COL4A6: variants seen among roughly 807,000 people sequenced by gnomAD.
The protein encoded by COL4A6 is collagen type IV alpha 6 chain.
Under a neutral mutation model 126.7 loss-of-function variants are expected in COL4A6, and 59 were observed. That is an observed-to-expected ratio of 0.47 (90% CI 0.38 to 0.58). The LOEUF (loss-of-function observed/expected upper bound fraction) is 0.58. Among genes scored for constraint, COL4A6 ranks in the 20% least tolerant of loss-of-function variants. The pLI is 0.00. For synonymous variants in COL4A6, 547 were observed against 496.6 expected (o/e 1.10, Z -1.35); for missense variants, 1,285 against 1,337.3 (o/e 0.96, Z 0.61).
Position 108,170,813 on chromosome X carries a change from G to A in COL4A6, c.3382C>T (p.Pro1128Ser), listed in dbSNP as rs768667670. The A allele has an allele frequency of 8.3e-7, 1 of 1,211,334 alleles. No individual in the cohort carries two copies. The change falls in exon 34 of 45, where the codon CCA becomes TCA. Residue 1128 changes from proline (P) to serine (S), a missense_variant. Physicochemically the swap from Pro to Ser is moderately conservative, Grantham distance 74. Coordinates refer to ENST00000334504, the MANE Select transcript of COL4A6 (RefSeq NM_033641.4). ...VSGDVGLPGA[P>S]GFPGVAGMRG... ...AGGTTATCATGTGGCATGGTACCTGGAGCTCCAGGAAGGCCAACATCTCCA... is the reference window on the plus strand; with the variant it reads ...AGGTTATCATGTGGCATGGTACCTGAAGCTCCAGGAAGGCCAACATCTCCA...
intron 3 of COL4A6, among the ~76,000 whole-genome samples, chrX:108,307,222 T>C (rs1304678158): frequency 1.8e-5 from 2 of 112,099 alleles, no homozygotes; most frequent in Middle Eastern, 4.6e-3. Context: ...AATCTGAACA[T>C]AGTGTTTATT....
At chrX:108,432,017 A>G (rs2064181008) in intron 2 of COL4A6, among the ~76,000 whole-genome samples, 1 of 112,407 alleles carries the variant, frequency 8.9e-6, no homozygotes, top group African/African-American at 3.2e-5. Context: ...TGAAAGATAA[A>G]ATTTCTCAAG....
chrX:108,297,626 A>G (rs1169662756), intron 3 of COL4A6, among the ~76,000 whole-genome samples: 1 of 110,926 alleles, frequency 9.0e-6, no homozygotes, highest in African/African-American at 3.3e-5. Context: ...AGGGCTTAAA[A>G]GATTAGCTAT....
At chrX:108,205,755 ACGG>A in intron 9 of COL4A6, 60 bp from the exon 10 acceptor site, 1 of 1,021,674 alleles carries the variant, frequency 9.8e-7, no homozygotes, top group Non-Finnish European at 1.4e-6. Flanking sequence ...CAAAAAGAAC[ACGG>A]CATGTTGAGA....
At chrX:108,285,820 G>C (rs2037990310) in intron 3 of COL4A6, among the ~76,000 whole-genome samples, 1 of 112,001 alleles carries the variant, frequency 8.9e-6, no homozygotes, top group Non-Finnish European at 1.9e-5. Flanking sequence ...GGACCAATAA[G>C]TTGTAACAGC....
intron 2 of COL4A6, among the ~76,000 whole-genome samples, chrX:108,378,331 C>A (rs1442187385): frequency 1.8e-5 from 2 of 111,405 alleles, no homozygotes; most frequent in Non-Finnish European, 3.8e-5. Flanking sequence ...TATGTTAATA[C>A]GCACTGTGAA....
chrX:108,394,540 A>G (rs968580723), intron 2 of COL4A6, among the ~76,000 whole-genome samples: 1 of 112,076 alleles, frequency 8.9e-6, no homozygotes, highest in African/African-American at 3.2e-5. Flanking sequence ...TCACAAAAAA[A>G]GCTGGTGTGG....
At chrX:108,299,811 C>T (rs1158770487) in intron 3 of COL4A6, among the ~76,000 whole-genome samples, 1 of 111,973 alleles carries the variant, frequency 8.9e-6, no homozygotes, top group Non-Finnish European at 1.9e-5. Flanking sequence ...TAGGGCTTAG[C>T]TAAGTCCACC....
intron 39 of COL4A6, 47 bp from the exon 40 acceptor site, chrX:108,164,745 T>C: frequency 8.5e-7 from 1 of 1,182,757 alleles, no homozygotes. Context: ...ATGGTAGGGG[T>C]GGTAGGGGTG....
Position 108,179,321 on chromosome X carries a change from C to T in COL4A6, c.2249G>A (p.Gly750Asp), listed in dbSNP as rs762345299. ...ACCATTTTCAGCACCAAAGATGTCA[C>T]CAGTGGCTCCCTTGGAACCAGGTAA... ...PGLPGSKGAT[G>D]DIFGAENGAP... is the part of the protein sequence containing the mutation. The change falls in exon 26 of 45, where the codon GGT (glycine) becomes GAT (aspartate). Residue 750 changes from glycine (G) to aspartate (D), a missense_variant. Coordinates refer to ENST00000334504, the MANE Select transcript of COL4A6 (RefSeq NM_033641.4). The T allele has an allele frequency of 1.7e-6, 2 of 1,211,255 alleles. No homozygotes were observed.
At chrX:108,363,821 A>C (rs1298372726) in intron 2 of COL4A6, among the ~76,000 whole-genome samples, 2 of 111,592 alleles carry the variant, frequency 1.8e-5, no homozygotes, top group Non-Finnish European at 3.8e-5. Flanking sequence ...AAGTCTCTTA[A>C]TTAAGTTATG....
intron 2 of COL4A6, chrX:108,383,922 G>T: frequency 1.4e-6 from 1 of 702,749 alleles, no homozygotes; most frequent in South Asian, 3.0e-5. Context: ...ACAACCATGT[G>T]ATAAATCTAT....
At chrX:108,293,829 G>A (rs751387770) in intron 3 of COL4A6, among the ~76,000 whole-genome samples, 5 of 112,373 alleles carry the variant, frequency 4.4e-5, no homozygotes, top group African/African-American at 1.6e-4. Flanking sequence ...TATGTTTTTA[G>A]TTGATTAAAC....
intron 3 of COL4A6, among the ~76,000 whole-genome samples, chrX:108,229,891 A>G (rs747630292): frequency 2.7e-5 from 3 of 112,337 alleles, no homozygotes; most frequent in Non-Finnish European, 1.9e-5. Context: ...GACTAGGTTC[A>G]TGGCAGTGGA....
chrX:108,427,204 A>G (rs774147231), intron 2 of COL4A6, among the ~76,000 whole-genome samples: 48 of 111,709 alleles, frequency 4.3e-4, no homozygotes, highest in Admixed American at 3.8e-3. Context: ...TCTCTTTCCT[A>G]TCCTCCATCC....
At chrX:108,335,796 A>G (rs2039418609) in intron 2 of COL4A6, among the ~76,000 whole-genome samples, 1 of 111,103 alleles carries the variant, frequency 9.0e-6, no homozygotes, top group Non-Finnish European at 1.9e-5. Flanking sequence ...CTTGTCTGTG[A>G]TGCTGACTAT....
chrX:108,411,303 T>G (rs987895464), intron 2 of COL4A6, among the ~76,000 whole-genome samples: 3 of 111,967 alleles, frequency 2.7e-5, no homozygotes, highest in African/African-American at 9.7e-5. Flanking sequence ...AGATTGATGA[T>G]TATGATAGTA....
At chrX:108,165,527 GC>G (rs1461694647) in intron 37 of COL4A6, 41 bp from the exon 38 acceptor site, 3 of 946,538 alleles carry the variant, frequency 3.2e-6, no homozygotes, top group African/African-American at 4.0e-5. Flanking sequence ...GGCTCTGTGT[GC>G]CCAGAAGATG....
At chrX:108,379,669 C>A (rs1050822715) in intron 2 of COL4A6, among the ~76,000 whole-genome samples, 1 of 109,140 alleles carries the variant, frequency 9.2e-6, no homozygotes, top group Non-Finnish European at 1.9e-5. Flanking sequence ...TTATTTATAT[C>A]AAAAAATCCA....
Sources: allele counts gnomAD v4.1 joint callset (sites outside exome capture counted in the v4.1 genomes callset), GRCh38; gene constraint gnomAD v4.1.1; transcripts MANE v1.5; gene names NCBI Gene and HGNC (gene_info 2026-07-23, HGNC 2026-07-21).